MSL2: variants seen among roughly 807,000 people sequenced by gnomAD.
The protein encoded by MSL2 is MSL complex subunit 2, also known as E3 ubiquitin-protein ligase MSL2.
In MSL2, 2 loss-of-function variants were observed where a neutral mutation model predicts 35.8. The ratio of observed to expected loss-of-function variants is 0.06; its 90% CI spans 0.02 to 0.18. The LOEUF (loss-of-function observed/expected upper bound fraction) is 0.18, where lower values mean the gene tolerates loss of function less well. MSL2 is among the 10% of genes least tolerant of loss of function. The pLI is 1.00. For missense variants in MSL2, 523 were observed against 706.7 expected (o/e 0.74, Z 2.95); for synonymous variants, 296 against 255.7 (o/e 1.16, Z -1.50).
chr3:136,192,786 T>C (rs1940727071), intron 1 of MSL2, among the ~76,000 whole-genome samples: 1 of 152,204 alleles, frequency 6.6e-6, no homozygotes, highest in African/African-American at 2.4e-5. Flanking sequence ...TGCATTATCT[T>C]CATGAAATAA....
intron 1 of MSL2, among the ~76,000 whole-genome samples, chr3:136,153,795 A>C (rs1162170635): frequency 6.7e-6 from 1 of 149,630 alleles, no homozygotes; most frequent in Non-Finnish European, 1.5e-5. Flanking sequence ...GTCTCAAAAA[A>C]AAAAAGGCCA....
chr3:136,157,529 C>T (rs1939569060), intron 1 of MSL2, among the ~76,000 whole-genome samples: 1 of 151,936 alleles, frequency 6.6e-6, no homozygotes, highest in Admixed American at 6.6e-5. Flanking sequence ...TAAATGAATA[C>T]AGATTAGGGC....
chr3:136,172,393 A>T (rs975189835), intron 1 of MSL2, among the ~76,000 whole-genome samples: 1 of 151,854 alleles, frequency 6.6e-6, no homozygotes, highest in Non-Finnish European at 1.5e-5. Context: ...CCTATACCTA[A>T]TGTTATTTAT....
In MSL2 at chr3:136,151,804, G is replaced by A; in HGVS notation, c.1077C>T (p.Thr359=). The A allele has an allele frequency of 6.2e-7, 1 of 1,614,112 alleles. No individual in the cohort carries two copies. Among genetic ancestry groups the A allele is most frequent in the Non-Finnish European group, 8.5e-7 (1 of 1,180,016 alleles). ...SEKVQPLPIS[T]IIRGPTLGAS... The stretch of plus-strand genomic sequence containing the variant: ...CCCCCAGTGTTGGGCCTCGGATAAT[G>A]GTAGAAATTGGAAGTGGCTGAACTT... Residue 359 remains threonine, a synonymous_variant, in exon 2 of 2, where the codon ACC becomes ACT. Transcript: ENST00000309993. The surrounding 1 kb of genome is among the most constrained non-coding windows in gnomAD (Gnocchi z 5.2).
chr3:136,167,267 C>CA (rs1315129171), intron 1 of MSL2, among the ~76,000 whole-genome samples: 1 of 151,514 alleles, frequency 6.6e-6, no homozygotes. Flanking sequence ...AGTTCACATG[C>CA]AAAAGAAATC....
chr3:136,167,718 A>T (rs1939889638), intron 1 of MSL2, among the ~76,000 whole-genome samples: 1 of 152,246 alleles, frequency 6.6e-6, no homozygotes, highest in African/African-American at 2.4e-5. Context: ...TCCAAGATGC[A>T]TTCTCAGAAA....
intron 1 of MSL2, chr3:136,155,917 G>T (rs1370113930): frequency 7.2e-6 from 4 of 553,948 alleles, no homozygotes; most frequent in Non-Finnish European, 1.1e-5. Flanking sequence ...AGCACCTCAT[G>T]GTTTCCAATA....
At chr3:136,173,590 T>C (rs1940088873) in intron 1 of MSL2, among the ~76,000 whole-genome samples, 1 of 152,156 alleles carries the variant, frequency 6.6e-6, no homozygotes, top group South Asian at 2.1e-4. Flanking sequence ...CAGGTTTTAT[T>C]TGCATGACTA....
At chr3:136,169,854 C>T (rs1559964241) in intron 1 of MSL2, among the ~76,000 whole-genome samples, 2 of 151,848 alleles carry the variant, frequency 1.3e-5, no homozygotes, top group African/African-American at 4.8e-5. Flanking sequence ...GTCAGGAGTT[C>T]AAGACCAGCC....
rs1939331976 is a variant in MSL2 at position 136,150,612 on chromosome 3, A to G, written c.*535T>C. On this transcript the variant is annotated 3_prime_UTR_variant, in exon 2 of 2. Transcript: ENST00000309993. ...TAATACTGCTGATTTAAGAACTGCTACATACACCAGTAGCCAATATTTCAT... is the reference window on the plus strand; with the variant it reads ...TAATACTGCTGATTTAAGAACTGCTGCATACACCAGTAGCCAATATTTCAT... The G allele has an allele frequency of 6.5e-6, 1 of 154,394 alleles. No individual in the cohort carries two copies. Among genetic ancestry groups the G allele is most frequent in the East Asian group, 1.9e-4 (1 of 5,214 alleles). 9.6% of individuals were successfully genotyped at this position (154,394 alleles called of 1,614,324 possible). A position where few individuals can be genotyped will look rare whatever the true frequency, so the allele number is the denominator to read the frequency against.
intron 1 of MSL2, among the ~76,000 whole-genome samples, chr3:136,185,007 C>A (rs1166829620): frequency 6.6e-6 from 1 of 152,144 alleles, no homozygotes; most frequent in Non-Finnish European, 1.5e-5. Context: ...CTGAGTCTTG[C>A]TCTGTAGCCC....
In MSL2 at chr3:136,195,175, G is replaced by A. The variant is rs545026038; in HGVS notation, c.-62C>T. The A allele has an allele frequency of 1.3e-6, 2 of 1,563,312 alleles. No individual in the cohort carries two copies. Among genetic ancestry groups the A allele is most frequent in the African/African-American group, 1.4e-5 (1 of 72,208 alleles). ...AGAAATTCCGGATCCAACTTAGTAAGCAGCCAGGGAACGATGGCGAATTTG... is the reference window on the plus strand; with the variant it reads ...AGAAATTCCGGATCCAACTTAGTAAACAGCCAGGGAACGATGGCGAATTTG... On this transcript the variant is annotated 5_prime_UTR_variant, in exon 1 of 2. Coordinates refer to ENST00000309993, the MANE Select transcript of MSL2 (RefSeq NM_018133.4).
intron 1 of MSL2, among the ~76,000 whole-genome samples, chr3:136,189,710 A>C (rs1225419761): frequency 2.2e-5 from 3 of 135,324 alleles, no homozygotes; most frequent in Non-Finnish European, 4.8e-5. Flanking sequence ...GGCGACAGCG[A>C]GACGCCGTCT....
intron 1 of MSL2, among the ~76,000 whole-genome samples, chr3:136,163,511 T>C (rs927577208): frequency 2.6e-5 from 4 of 152,222 alleles, no homozygotes; most frequent in Admixed American, 6.5e-5. Flanking sequence ...TAATTTCAAG[T>C]TTGTGCCATG....
chr3:136,194,842 G>A (rs1409346305), intron 1 of MSL2, 130 bp downstream of exon 1: 2 of 1,401,572 alleles, frequency 1.4e-6, no homozygotes, highest in South Asian at 1.3e-5. Flanking sequence ...CAAAACTAAT[G>A]ACCGTACAGC....
rs888621756 is a variant in MSL2, at chr3:136,149,392, G to C, written c.*1755C>G. On this transcript the variant is annotated 3_prime_UTR_variant, in exon 2 of 2. Coordinates refer to ENST00000309993, the MANE Select transcript of MSL2 (RefSeq NM_018133.4). ...CATAAGACACTGCTAACACTTAAAG[G>C]AATTAAATAAAATTCCAAATCTTGG... The C allele has an allele frequency of 1.3e-5, 2 of 152,298 alleles. No individual in the cohort carries two copies. The highest frequency in any genetic ancestry group is 4.8e-5 in the African/African-American group (2 of 41,346). The allele number at this position is 152,298 out of a possible 1,614,324, so 9.4% of individuals were successfully genotyped here.
rs1939397677 is a variant in MSL2 at position 136,152,308 on chromosome 3, G to C, written c.573C>G (p.Ile191Met). 1 of 1,613,898 alleles carries C rather than the reference G, an allele frequency of 6.2e-7. No homozygotes were observed. Among genetic ancestry groups the C allele is most frequent in the South Asian group, 1.1e-5 (1 of 91,068 alleles). The change falls in exon 2 of 2, where the codon ATC becomes ATG. Residue 191 changes from isoleucine to methionine, a missense_variant. Physicochemically the swap from Ile to Met is conservative, Grantham distance 10 (BLOSUM62 1). Around this residue, in one of 5 missense-constraint regions of MSL2, gnomAD observed 361 missense variants for 414.6 expected, o/e 0.87. Coordinates refer to ENST00000309993, the MANE Select transcript of MSL2 (RefSeq NM_018133.4). ...TLSIAIGSSVINGLPTYNGLS... is the reference protein window; with the variant it reads ...TLSIAIGSSVMNGLPTYNGLS... The stretch of plus-strand genomic sequence containing the variant: ...GCCCATTATAAGTAGGCAAACCATT[G>C]ATAACAGAACTGCCAATAGCAATGC...
chr3:136,183,082 T>C (rs188855446), intron 1 of MSL2, among the ~76,000 whole-genome samples: 3 of 152,186 alleles, frequency 2.0e-5, no homozygotes, highest in Admixed American at 2.0e-4. Context: ...AGAATATTTG[T>C]AGTACAAAAA....
chr3:136,154,278 A>G (rs944836830), intron 1 of MSL2, among the ~76,000 whole-genome samples: 1 of 152,224 alleles, frequency 6.6e-6, no homozygotes, highest in African/African-American at 2.4e-5. Flanking sequence ...GACAGATTTC[A>G]AAACGACCAT....
Sources: allele counts gnomAD v4.1 joint callset (sites outside exome capture counted in the v4.1 genomes callset), GRCh38; gene constraint gnomAD v4.1.1; regional missense constraint gnomAD v4.1.1; non-coding constraint Gnocchi (gnomAD v3.1); transcripts MANE v1.5; gene names NCBI Gene and HGNC (gene_info 2026-07-23, HGNC 2026-07-21).